Variants in DMD observed in about 807,000 individuals in gnomAD.
The protein encoded by DMD is dystrophin, also known as mutant dystrophin.
A neutral mutation model predicts 330.1 loss-of-function variants in DMD; 63 were observed. The observed-to-expected ratio is 0.19, with a 90% confidence interval of 0.16 to 0.24. The LOEUF (loss-of-function observed/expected upper bound fraction) is 0.24. Among genes scored for constraint, DMD ranks in the 10% least tolerant of loss-of-function variants. The pLI is 1.00. For missense variants in DMD, 3,344 were observed against 2,684.1 expected (o/e 1.25, Z -5.43); for synonymous variants, 1,223 against 959.8 (o/e 1.27, Z -5.07).
chrX:31,860,506 C>T (rs748926918), intron 48 of DMD, among the ~76,000 whole-genome samples: 195 of 111,704 alleles, frequency 1.7e-3, no homozygotes, highest in African/African-American at 6.2e-3. Flanking sequence ...ATTAGAAAGC[C>T]CCCAGCTGCT....
chrX:31,403,247 G>A (rs1013726595), intron 60 of DMD, among the ~76,000 whole-genome samples: 3 of 111,659 alleles, frequency 2.7e-5, no homozygotes, highest in African/African-American at 3.2e-5. Context: ...ATTTTAACAC[G>A]CTTTGTCTAT....
chrX:32,771,503 T>TACACACACACACACACACACAC lies in DMD; in HGVS notation c.649+37968_649+37989dup, dbSNP rs754545800. Among the ~76,000 whole-genome samples, 443 of 105,782 alleles carry TACACACACACACACACACACAC rather than the reference T, an allele frequency of 4.2e-3. 4 individuals are homozygous for TACACACACACACACACACACAC. The highest frequency in any genetic ancestry group is 0.015 in the African/African-American group (421 of 28,262). 91.9% of individuals were successfully genotyped at this position (105,782 alleles called of 115,157 possible). A position where few individuals can be genotyped will look rare whatever the true frequency, so the allele number is the denominator to read the frequency against. ...AAATTCCCTAATCCCATTTTGTTAA[T>TACACACACACACACACACACAC]ACACACACACACACACACACACTCT... On this transcript the variant is annotated intron_variant, in intron 7 of 78. Transcript: ENST00000357033.
intron 47 of DMD, among the ~76,000 whole-genome samples, chrX:31,909,711 A>G (rs943514012): frequency 6.3e-5 from 7 of 111,879 alleles, no homozygotes; most frequent in Non-Finnish European, 1.1e-4. Context: ...AGATTCATGC[A>G]TTTTTAAAAT....
intron 52 of DMD, among the ~76,000 whole-genome samples, chrX:31,720,807 T>TA (rs942285677): frequency 9.9e-5 from 11 of 111,530 alleles, no homozygotes; most frequent in African/African-American, 3.6e-4. Context: ...ATCACTTTAA[T>TA]AAAAAATATT....
At chrX:32,365,228 G>T (rs749056781) in intron 34 of DMD, 29 bp from the exon 35 acceptor site, 1 of 1,189,495 alleles carries the variant, frequency 8.4e-7, no homozygotes, top group South Asian at 1.8e-5. Context: ...TGACCTTCAA[G>T]TAATGTCTTG....
intron 60 of DMD, among the ~76,000 whole-genome samples, chrX:31,428,440 C>G (rs765095775): frequency 8.9e-6 from 1 of 112,031 alleles, no homozygotes; most frequent in Admixed American, 9.5e-5. Flanking sequence ...GCCTGCAGAA[C>G]CATGAGCCAA....
intron 1 of DMD, among the ~76,000 whole-genome samples, chrX:33,321,285 T>A (rs890134627): frequency 9.0e-6 from 1 of 111,590 alleles, no homozygotes; most frequent in Non-Finnish European, 1.9e-5. Context: ...TAATGAGACA[T>A]AAATGTTGAA....
intron 41 of DMD, among the ~76,000 whole-genome samples, chrX:32,327,410 A>G (rs961850842): frequency 3.6e-5 from 4 of 110,941 alleles, no homozygotes; most frequent in Non-Finnish European, 7.6e-5. Flanking sequence ...GGTAAATTAA[A>G]ATGATATCCA....
chrX:32,777,905 A>G (rs1033891111), intron 7 of DMD, among the ~76,000 whole-genome samples: 2 of 112,428 alleles, frequency 1.8e-5, no homozygotes, highest in Non-Finnish European at 3.7e-5. Flanking sequence ...CAGTGTGCGC[A>G]CGTCCATGTG....
chrX:32,765,813 C>G (rs923820542), intron 7 of DMD, among the ~76,000 whole-genome samples: 1 of 111,966 alleles, frequency 8.9e-6, no homozygotes, highest in Non-Finnish European at 1.9e-5. Context: ...TTCCAAATGT[C>G]TACGCTTTCT....
rs1052325773 is a variant in DMD at position 33,069,771 on chromosome X, T to C, written c.32-49571A>G. The stretch of plus-strand genomic sequence containing the variant: ...GAAAGTTTTGCTCTGGGCTAAGTAT[T>C]ATGGTTAAGGAATCCAAGAAAAACA... On this transcript the variant is annotated intron_variant, in intron 1 of 78. Transcript: ENST00000357033. Among the ~76,000 whole-genome samples, 4 of 111,756 alleles carry C rather than the reference T, an allele frequency of 3.6e-5. No homozygotes were observed. In the East Asian group the frequency reaches 1.1e-3, roughly 31 times the overall value.
intron 51 of DMD, among the ~76,000 whole-genome samples, chrX:31,749,871 G>C (rs1234561891): frequency 2.2e-4 from 23 of 105,758 alleles, no homozygotes; most frequent in Non-Finnish European, 1.9e-5. Context: ...TTGTGGTTTT[G>C]ATTTGCATTT....
intron 63 of DMD, among the ~76,000 whole-genome samples, chrX:31,238,542 C>G (rs971044292): frequency 9.0e-6 from 1 of 111,709 alleles, no homozygotes; most frequent in Non-Finnish European, 1.9e-5. Context: ...GTCGTGTGTA[C>G]CTGATACCAT....
chrX:33,182,336 C>A (rs2050042361), intron 1 of DMD, among the ~76,000 whole-genome samples: 1 of 111,942 alleles, frequency 8.9e-6, no homozygotes. Context: ...GAGATCATGA[C>A]TCACTGTAGC....
At chrX:31,814,603 T>C (rs1430840392) in intron 50 of DMD, among the ~76,000 whole-genome samples, 1 of 107,054 alleles carries the variant, frequency 9.3e-6, no homozygotes, top group African/African-American at 3.4e-5. Context: ...TTGAATCAAA[T>C]ATCCTGATTT....
intron 60 of DMD, among the ~76,000 whole-genome samples, chrX:31,402,427 C>T (rs1228034764): frequency 9.0e-6 from 1 of 111,700 alleles, no homozygotes; most frequent in Non-Finnish European, 1.9e-5. Context: ...TGGCAAGATC[C>T]CTTATAGTTT....
chrX:33,074,722 A>G (rs1250803941), intron 1 of DMD, among the ~76,000 whole-genome samples: 1 of 111,449 alleles, frequency 9.0e-6, no homozygotes, highest in African/African-American at 3.3e-5. Flanking sequence ...GGGACCCTGT[A>G]GAGAGTTCCC....
At chrX:32,565,679 G>A in intron 16 of DMD, 23 bp downstream of exon 16, 1 of 1,197,959 alleles carries the variant, frequency 8.3e-7, no homozygotes. Context: ...ATAGTCTGTA[G>A]CATGATAATT....
chrX:31,637,509 T>G, intron 54 of DMD, among the ~76,000 whole-genome samples: 1 of 111,348 alleles, frequency 9.0e-6, no homozygotes, highest in Non-Finnish European at 1.9e-5. Context: ...TACCACTTAC[T>G]ATAGTCTGGA....
Sources: allele counts gnomAD v4.1 joint callset (sites outside exome capture counted in the v4.1 genomes callset), GRCh38; gene constraint gnomAD v4.1.1; transcripts MANE v1.5; gene names NCBI Gene and HGNC (gene_info 2026-07-23, HGNC 2026-07-21).